The following ULK4 variants were observed in gnomAD, a reference collection of about 807,000 sequenced individuals.
ULK4 encodes unc-51 like kinase 4.
ULK4 carries 133 observed loss-of-function variants against 160.6 expected under a neutral mutation model. The observed-to-expected ratio is 0.83, with a 90% CI of 0.72 to 0.96. The LOEUF is 0.96. Among genes scored for constraint, ULK4 ranks in the 40% least tolerant of loss-of-function variants. The pLI, the probability that ULK4 is intolerant of heterozygous loss-of-function variation, is 0.00. For synonymous variants in ULK4, 534 were observed against 539.8 expected (o/e 0.99, Z 0.15); for missense variants, 1,580 against 1,499.5 (o/e 1.05, Z -0.89).
intron 30 of ULK4, among the ~76,000 whole-genome samples, chr3:41,659,672 T>TAA (rs34768898): frequency 1.4e-4 from 20 of 145,224 alleles, no homozygotes; most frequent in East Asian, 6.0e-4. Context: ...TTGGCCATAT[T>TAA]AAAAAAAAAA....
intron 22 of ULK4, among the ~76,000 whole-genome samples, chr3:41,740,088 C>G (rs2125878783): frequency 6.6e-6 from 1 of 151,788 alleles, no homozygotes; most frequent in South Asian, 2.1e-4. Flanking sequence ...GAAAAGCTTT[C>G]TTTGCCCATA....
chr3:41,719,124 C>T (rs111538504), intron 22 of ULK4, among the ~76,000 whole-genome samples: 214 of 152,286 alleles, frequency 1.4e-3, no homozygotes, highest in Middle Eastern at 0.01. Flanking sequence ...ATACTGTTGC[C>T]ACTCCTGCCG....
intron 35 of ULK4, among the ~76,000 whole-genome samples, chr3:41,379,894 A>G (rs796953857): frequency 1.6e-4 from 24 of 152,308 alleles, no homozygotes; most frequent in African/African-American, 5.8e-4. Context: ...TACATATTAC[A>G]TAAATATTTA....
intron 35 of ULK4, among the ~76,000 whole-genome samples, chr3:41,383,851 C>T (rs896319662): frequency 9.9e-5 from 15 of 152,112 alleles, no homozygotes; most frequent in Admixed American, 3.9e-4. Flanking sequence ...AACTCTTCTC[C>T]CTTTTTGAGA....
intron 5 of ULK4, among the ~76,000 whole-genome samples, chr3:41,922,476 G>A (rs944864526): frequency 6.6e-6 from 1 of 152,008 alleles, no homozygotes; most frequent in African/African-American, 2.4e-5. Flanking sequence ...GGAAGGGAGG[G>A]GAGAGTATGG....
At chr3:41,388,985 T>C (rs1034961939) in intron 35 of ULK4, among the ~76,000 whole-genome samples, 2 of 151,978 alleles carry the variant, frequency 1.3e-5, no homozygotes, top group Admixed American at 6.5e-5. Flanking sequence ...ATTTTCACGA[T>C]ATTGATTCTT....
intron 32 of ULK4, among the ~76,000 whole-genome samples, chr3:41,564,207 A>AGT (rs1270027431): frequency 3.3e-5 from 5 of 152,028 alleles, no homozygotes; most frequent in Non-Finnish European, 5.9e-5. Flanking sequence ...CAGAACAGCA[A>AGT]ATAATGCAGA....
At chr3:41,858,147 G>GTTTTTTTTTTTT (rs71288052) in intron 17 of ULK4, among the ~76,000 whole-genome samples, 13 of 92,120 alleles carry the variant, frequency 1.4e-4, no homozygotes, top group Non-Finnish European at 2.3e-4. Context: ...TTTTTTGTTT[G>GTTTTTTTTTTTT]TTTTTTTTTT....
At position 41,642,974 on chromosome 3, in the gene ULK4, C is replaced by T. The variant is rs1481407476; in HGVS notation, c.3071+20633G>A. On this transcript the variant is annotated intron_variant, in intron 30 of 36. Coordinates refer to ENST00000301831, the MANE Select transcript of ULK4 (RefSeq NM_017886.4). The stretch of plus-strand genomic sequence containing the variant: ...GAGCATTTTTTCATGTGTCTGTTGG[C>T]TGCATAAATGTCTCCTTTTGAGAAG... Among the ~76,000 whole-genome samples the T allele has an allele frequency of 2.0e-5, 3 of 152,300 alleles. No homozygotes were observed. The East Asian group carries it at 5.8e-4, about 29-fold the overall frequency.
intron 35 of ULK4, among the ~76,000 whole-genome samples, chr3:41,388,571 C>T (rs1226606008): frequency 1.3e-5 from 2 of 152,104 alleles, no homozygotes; most frequent in African/African-American, 2.4e-5. Flanking sequence ...AGGAAGGGAT[C>T]AAGTTTCAGC....
rs754910094 is a variant in ULK4, at chr3:41,705,056, C to T, written c.2781+1G>A. 1 of 1,607,746 alleles carries T rather than the reference C, an allele frequency of 6.2e-7. No individual in the cohort carries two copies. The highest frequency in any genetic ancestry group is 1.1e-5 in the South Asian group (1 of 89,316). On this transcript the variant is annotated splice_donor_variant, in intron 27 of 36. Coordinates refer to ENST00000301831, the MANE Select transcript of ULK4 (RefSeq NM_017886.4). LOFTEE classifies it high-confidence loss of function. ...TTTTTTCAAAAGCTGCCAGAACTGA[C>T]CGTGGAGCGATAGTCTTTCAATAAA...
At chr3:41,660,385 G>C (rs2035109743) in intron 30 of ULK4, among the ~76,000 whole-genome samples, 2 of 152,020 alleles carry the variant, frequency 1.3e-5, no homozygotes, top group Non-Finnish European at 2.9e-5. Context: ...TAACCATAGG[G>C]GAAGATGAGG....
intron 18 of ULK4, among the ~76,000 whole-genome samples, chr3:41,823,098 G>A (rs1162995836): frequency 2.0e-5 from 3 of 152,090 alleles, no homozygotes; most frequent in Non-Finnish European, 4.4e-5. Flanking sequence ...AAACAGCAGA[G>A]TAAGAGGTTG....
rs1267044685 is a variant in ULK4 at position 41,931,831 on chromosome 3, C to T, written c.541+13G>A. On this transcript the variant is annotated intron_variant, in intron 5 of 36. Transcript: ENST00000301831. Reference sequence around the variant, plus strand: ...CTAGAGTTATGATCTTTAAGCTTTCCAGGTCCACATACCTTTGACTCTACT... The same window carrying T: ...CTAGAGTTATGATCTTTAAGCTTTCTAGGTCCACATACCTTTGACTCTACT... 1 of 1,613,452 alleles carries T rather than the reference C, an allele frequency of 6.2e-7. No homozygotes were observed.
At chr3:41,918,747 G>A (rs1452094989) in intron 6 of ULK4, among the ~76,000 whole-genome samples, 7 of 151,850 alleles carry the variant, frequency 4.6e-5, no homozygotes, top group Admixed American at 1.3e-4. Flanking sequence ...GACCACAGGC[G>A]CACGCTGCCA....
chr3:41,923,801 T>C (rs1405263215), intron 5 of ULK4, among the ~76,000 whole-genome samples: 1 of 152,194 alleles, frequency 6.6e-6, no homozygotes, highest in Non-Finnish European at 1.5e-5. Context: ...TGAAACTCTT[T>C]TCATAAATCA....
chr3:41,957,362 G>A (rs749062631), intron 1 of ULK4, among the ~76,000 whole-genome samples: 1 of 146,698 alleles, frequency 6.8e-6, no homozygotes, highest in Non-Finnish European at 1.5e-5. Context: ...GCTGAAGGTA[G>A]GAGAATCACT....
intron 32 of ULK4, among the ~76,000 whole-genome samples, chr3:41,505,573 C>A (rs1344778215): frequency 6.6e-6 from 1 of 152,022 alleles, no homozygotes; most frequent in African/African-American, 2.4e-5. Context: ...TAAATTAAAT[C>A]ATCTTTAAAT....
rs574217725 is a variant in ULK4, at chr3:41,919,731, T to C, written c.629A>G (p.Tyr210Cys). 3.7e-6 allele frequency: 6 copies of C among 1,613,998 alleles called. No individual in the cohort carries two copies. In the African/African-American group the frequency reaches 6.7e-5, roughly 18 times the overall value. Residue 210 changes from tyrosine to cysteine, a missense_variant, in exon 6 of 37, where the codon TAT becomes TGT. Coordinates refer to ENST00000301831, the MANE Select transcript of ULK4 (RefSeq NM_017886.4). ...SDLWSLGCLL[Y>C]EMFSGKPPFF... is the part of the protein sequence containing the mutation. ...GAAACAATTACCTGAAAACATTTCA[T>C]AAAGCAGACAGCCCAAAGACCAGAG...
Sources: allele counts gnomAD v4.1 joint callset (sites outside exome capture counted in the v4.1 genomes callset), GRCh38; gene constraint gnomAD v4.1.1; transcripts MANE v1.5; gene names NCBI Gene and HGNC (gene_info 2026-07-23, HGNC 2026-07-21).